SACS: variants seen among roughly 807,000 people sequenced by gnomAD.
The protein encoded by SACS is sacsin.
In SACS, 197 loss-of-function variants were observed where a neutral mutation model predicts 348.0. That is an observed-to-expected ratio of 0.57 (90% CI 0.50 to 0.64). The LOEUF (loss-of-function observed/expected upper bound fraction) is 0.64. Ranked by LOEUF, SACS falls within the 30% of genes least tolerant of loss-of-function variation. The probability of loss-of-function intolerance (pLI) is 0.00; values close to 1 mark genes in which losing one functional copy is unlikely to be tolerated. For synonymous variants in SACS, 1,985 were observed against 1,910.6 expected (o/e 1.04, Z -1.02); for missense variants, 4,999 against 5,360.8 (o/e 0.93, Z 2.11).
At chr13:23,358,864 T>C (rs1258894834) in intron 6 of SACS, among the ~76,000 whole-genome samples, 1 of 152,172 alleles carries the variant, frequency 6.6e-6, no homozygotes, top group East Asian at 1.9e-4. Context: ...ATATTTCATA[T>C]ATTTCATAAA....
chr13:23,362,759 T>C (rs1229048371), intron 6 of SACS, among the ~76,000 whole-genome samples: 2 of 151,778 alleles, frequency 1.3e-5, no homozygotes, highest in African/African-American at 4.8e-5. Context: ...CTAATTTTTG[T>C]ATTTTTAGTA....
In SACS at chr13:23,340,919, A is replaced by T. The variant is rs766457071; in HGVS notation, c.2957T>A (p.Leu986Ter). Residue 986 changes from leucine (L) to a stop codon, truncating the protein, a stop_gained, in exon 10 of 10, where the codon TTA becomes TAA. Coordinates refer to ENST00000382292, the MANE Select transcript of SACS (RefSeq NM_014363.6). LOFTEE classifies it high-confidence loss of function. Reference sequence around the variant, plus strand: ...AAGCTTTAAGCAGCTAGTGGTCTTTAACTGTTCTATTTTCAACATGTTTGC... The same window carrying T: ...AAGCTTTAAGCAGCTAGTGGTCTTTTACTGTTCTATTTTCAACATGTTTGC... ...RLANMLKIEQ[L>*]KTTSCLKLVL... is the part of the protein sequence containing the mutation. 2.5e-6 allele frequency: 4 copies of T among 1,613,966 alleles called. No homozygotes were observed. In the Admixed American group the frequency reaches 6.7e-5, roughly 27 times the overall value.
chr13:23,348,681 C>G (rs1444451779), intron 9 of SACS, among the ~76,000 whole-genome samples: 1 of 152,142 alleles, frequency 6.6e-6, no homozygotes, highest in African/African-American at 2.4e-5. Flanking sequence ...AGAAAGCTTC[C>G]TGGAGGTGAC....
At chr13:23,369,794 C>A (rs938377736) in intron 4 of SACS, among the ~76,000 whole-genome samples, 3 of 151,984 alleles carry the variant, frequency 2.0e-5, no homozygotes, top group Non-Finnish European at 2.9e-5. Flanking sequence ...ATCCGCCCTC[C>A]ACAGCCTCCC....
rs752851798 is a variant in SACS at position 23,339,796 on chromosome 13, C to G, written c.4080G>C (p.Leu1360Phe). The G allele has an allele frequency of 1.2e-6, 2 of 1,613,492 alleles. No individual in the cohort carries two copies. The highest frequency in any genetic ancestry group is 1.7e-6 in the Non-Finnish European group (2 of 1,179,712). ...TGCTATACAGCCATCTGATAATATT[C>G]AACATAAGATGAAGATTTTGTTTGC... ...QESKQNLHLMLNIIRWLYSNQ... is the reference protein window; with the variant it reads ...QESKQNLHLMFNIIRWLYSNQ... The change falls in exon 10 of 10, where the codon TTG (leucine) becomes TTC (phenylalanine). Residue 1360 changes from leucine (L) to phenylalanine (F), a missense_variant. Physicochemically the swap from Leu to Phe is conservative, Grantham distance 22. Transcript: ENST00000382292.
chr13:23,388,485 G>GTA (rs200207993), intron 2 of SACS, among the ~76,000 whole-genome samples: 1,803 of 83,430 alleles, frequency 0.022, 17 homozygotes, highest in East Asian at 0.043. Flanking sequence ...TATGGTGTGT[G>GTA]TGTATATATA....
chr13:23,371,258 T>C, intron 3 of SACS, 93 bp from the exon 4 acceptor site: 1 of 628,402 alleles, frequency 1.6e-6, no homozygotes, highest in Non-Finnish European at 2.6e-6. Flanking sequence ...ACTTAAGTAA[T>C]GCTTGTTAAG....
At position 23,346,020 on chromosome 13, in the gene SACS, C is replaced by T. The variant is rs533188898; in HGVS notation, c.2186-4330G>A. ...CTTCCCTTCCTCTGCACACCCAGGA[C>T]GGGGGTCCCTGCCGTCACCAACCGT... On this transcript the variant is annotated intron_variant, in intron 9 of 9. Coordinates refer to ENST00000382292, the MANE Select transcript of SACS (RefSeq NM_014363.6). Among the ~76,000 whole-genome samples the T allele has an allele frequency of 4.6e-5, 7 of 152,190 alleles. No homozygotes were observed. In the East Asian group the frequency reaches 7.7e-4, roughly 17 times the overall value.
chr13:23,369,377 T>C (rs1252190950), intron 4 of SACS, among the ~76,000 whole-genome samples: 2 of 152,290 alleles, frequency 1.3e-5, no homozygotes, highest in East Asian at 3.9e-4. Context: ...AAATGGGAAG[T>C]AATGCCTCAA....
rs1459899547 is a variant in SACS, at chr13:23,338,866, A to T, written c.5010T>A (p.Tyr1670Ter). Residue 1670 changes from tyrosine (Y) to a stop codon, truncating the protein, a stop_gained, in exon 10 of 10, where the codon TAT becomes TAA. Coordinates refer to ENST00000382292, the MANE Select transcript of SACS (RefSeq NM_014363.6). LOFTEE classifies it high-confidence loss of function. ...AGAGACTAAATTCATCCACAAGAGA[A>T]TAAATATCTGCTGTATTGTAGCACG... ...SSTCYNTADIYSLVDEFSLCG... is the reference protein window; with the variant it reads ...SSTCYNTADI 6.2e-7 allele frequency: 1 copy of T among 1,613,268 alleles called. No homozygotes were observed. The highest frequency in any genetic ancestry group is 8.5e-7 in the Non-Finnish European group (1 of 1,179,854).
At position 23,333,758 on chromosome 13, in the gene SACS, G is replaced by C; in HGVS notation, c.10118C>G (p.Thr3373Arg). The change falls in exon 10 of 10, where the codon ACA (threonine) becomes AGA (arginine). Residue 3373 changes from threonine (T) to arginine (R), a missense_variant. Physicochemically the swap from Thr to Arg is moderately conservative, Grantham distance 71. Transcript: ENST00000382292. ...KALHYMVQTS[T>R]FRAEKLVEND... ...TTCTACTAATTTTTCTGCTCTAAAT[G>C]TTGAAGTTTGGACCATATAATGTAG... 6.2e-7 allele frequency: 1 copy of C among 1,613,798 alleles called. No homozygotes were observed. Among genetic ancestry groups the C allele is most frequent in the Non-Finnish European group, 8.5e-7 (1 of 1,179,786 alleles).
intron 9 of SACS, among the ~76,000 whole-genome samples, chr13:23,349,677 T>C (rs1869830648): frequency 6.6e-6 from 1 of 152,224 alleles, no homozygotes; most frequent in Admixed American, 6.5e-5. Context: ...TCATTATCCT[T>C]GCAGTGAAGC....
intron 1 of SACS, among the ~76,000 whole-genome samples, chr13:23,424,897 A>C (rs1308330550): frequency 6.6e-6 from 1 of 152,258 alleles, no homozygotes; most frequent in East Asian, 1.9e-4. Context: ...TGAGGTTATT[A>C]GGCCTATATA....
intron 7 of SACS, 119 bp downstream of exon 7, chr13:23,358,216 C>A: frequency 9.6e-7 from 1 of 1,042,860 alleles, no homozygotes; most frequent in Non-Finnish European, 1.5e-6. Flanking sequence ...CTGCTACTGA[C>A]AGAAGAATTT....
chr13:23,427,287 C>A (rs774921740), intron 1 of SACS: 1 of 152,224 alleles, frequency 6.6e-6, no homozygotes. Context: ...CCCACTGATT[C>A]ATGACCTCCT....
rs992698087 is a variant in SACS at position 23,364,734 on chromosome 13, T to G, written c.457+432A>C. Among the ~76,000 whole-genome samples, 3 of 152,210 alleles carry G rather than the reference T, an allele frequency of 2.0e-5. 1 individual carries two copies. The highest frequency in any genetic ancestry group is 7.2e-5 in the African/African-American group (3 of 41,456). On this transcript the variant is annotated intron_variant, in intron 6 of 9. Transcript: ENST00000382292. ...TCATGTTTCCTTTCATTTTCCTTGT[T>G]CTCTCCTCTCCTTCAATCTTTCTTC...
chr13:23,380,863 A>C (rs1365176490), intron 2 of SACS, among the ~76,000 whole-genome samples: 4 of 152,210 alleles, frequency 2.6e-5, no homozygotes, highest in Non-Finnish European at 5.9e-5. Context: ...TATACTCTTC[A>C]AATAGGAGAG....
At chr13:23,395,106 G>A (rs1872661540) in intron 2 of SACS, among the ~76,000 whole-genome samples, 1 of 129,222 alleles carries the variant, frequency 7.7e-6, no homozygotes, top group African/African-American at 2.5e-5. Flanking sequence ...TCGACAGGGA[G>A]GCTGGGTCAG....
chr13:23,374,478 G>C (rs1871615784), intron 3 of SACS, among the ~76,000 whole-genome samples: 1 of 152,178 alleles, frequency 6.6e-6, no homozygotes, highest in African/African-American at 2.4e-5. Context: ...TAGAAAAAAA[G>C]AAATGTTTTA....
Sources: allele counts gnomAD v4.1 joint callset (sites outside exome capture counted in the v4.1 genomes callset), GRCh38; gene constraint gnomAD v4.1.1; transcripts MANE v1.5; gene names NCBI Gene and HGNC (gene_info 2026-07-23, HGNC 2026-07-21).